DYNC2I1: variants seen among roughly 807,000 people sequenced by gnomAD.
DYNC2I1 encodes the protein dynein 2 intermediate chain 1.
In DYNC2I1, 89 loss-of-function variants were observed where a neutral mutation model predicts 133.4. That is an observed-to-expected ratio of 0.67 (90% CI 0.56 to 0.80). DYNC2I1 has a LOEUF of 0.80. Ranked by LOEUF, DYNC2I1 falls within the 30% of genes least tolerant of loss-of-function variation. The pLI, the probability that DYNC2I1 is intolerant of heterozygous loss-of-function variation, is 0.00. For missense variants in DYNC2I1, 1,291 were observed against 1,314.5 expected, an observed-to-expected ratio of 0.98 and a Z score of 0.28; for synonymous variants, 504 against 484.3, an observed-to-expected ratio of 1.04 and a Z score of -0.54.
intron 1 of DYNC2I1, among the ~76,000 whole-genome samples, chr7:158,866,706 G>A (rs1386026076): frequency 2.6e-5 from 4 of 151,600 alleles, no homozygotes; most frequent in African/African-American, 9.7e-5. Context: ...CCAACATGGG[G>A]TAACCCCATC....
intron 15 of DYNC2I1, among the ~76,000 whole-genome samples, chr7:158,921,805 C>T (rs1258691977): frequency 6.6e-6 from 1 of 152,228 alleles, no homozygotes; most frequent in Non-Finnish European, 1.5e-5. Context: ...CAGTCATGGA[C>T]TTCCTATCCT....
chr7:158,939,344 G>T (rs1172350302), intron 23 of DYNC2I1, among the ~76,000 whole-genome samples: 2 of 152,176 alleles, frequency 1.3e-5, no homozygotes, highest in Non-Finnish European at 2.9e-5. Context: ...TACTTGGGAG[G>T]CTGATGAGGG....
intron 5 of DYNC2I1, among the ~76,000 whole-genome samples, chr7:158,883,950 CA>C (rs1844334460): frequency 6.6e-6 from 1 of 151,852 alleles, no homozygotes; most frequent in Non-Finnish European, 1.5e-5. Context: ...AAGCGTGAGC[CA>C]CCGCGCCCGG....
chr7:158,884,977 A>G (rs1844451052), intron 6 of DYNC2I1, among the ~76,000 whole-genome samples: 1 of 152,186 alleles, frequency 6.6e-6, no homozygotes, highest in South Asian at 2.1e-4. Context: ...TGGGGAGAAT[A>G]ATTCACTTGG....
At position 158,923,692 on chromosome 7, in the gene DYNC2I1, G is replaced by A. The variant is rs374399311; in HGVS notation, c.2216G>A (p.Ser739Asn). 5.4e-5 allele frequency: 87 copies of A among 1,613,854 alleles called. No homozygotes were observed. Among genetic ancestry groups the A allele is most frequent in the Non-Finnish European group, 7.0e-5 (83 of 1,179,876 alleles). The stretch of plus-strand genomic sequence containing the variant: ...AGGCTGCATTACTCTGTGACGCTGA[G>A]CGATGGCTTCTGGACGTTCCGGACC... ...DSRLHYSVTL[S>N]DGFWTFRTAT... Residue 739 changes from serine to asparagine, a missense_variant, in exon 17 of 25, where the codon AGC becomes AAC. Coordinates refer to ENST00000407559, the MANE Select transcript of DYNC2I1 (RefSeq NM_018051.5).
rs532198508 is a variant in DYNC2I1 at position 158,868,397 on chromosome 7, C to T, written c.16-1458C>T. ...GAGGACTAAGATAGGCCTTCCTTTC[C>T]GGAAGGTGAGGGCTTAGCTGGAGAG... On this transcript the variant is annotated intron_variant, in intron 1 of 24. Coordinates refer to ENST00000407559, the MANE Select transcript of DYNC2I1 (RefSeq NM_018051.5). 9.2e-5 allele frequency among the ~76,000 whole-genome samples: 14 copies of T among 152,276 alleles called. No individual in the cohort carries two copies. In the South Asian group the frequency reaches 1.0e-3, roughly 11 times the overall value.
downstream of DYNC2I1, among the ~76,000 whole-genome samples, chr7:158,950,421 A>G (rs547682364): frequency 1.7e-4 from 25 of 151,330 alleles, no homozygotes; most frequent in African/African-American, 5.8e-4. Context: ...GGTGTTCTAT[A>G]TGATTCCAGG....
intron 17 of DYNC2I1, among the ~76,000 whole-genome samples, chr7:158,924,520 A>G (rs1445455584): frequency 3.9e-5 from 6 of 152,186 alleles, no homozygotes; most frequent in Non-Finnish European, 8.8e-5. Flanking sequence ...TAAATTCCCC[A>G]ACCATGAATT....
the DYNC2I1 span, among the ~76,000 whole-genome samples, chr7:158,839,363 C>T: frequency 1.4e-5 from 2 of 145,044 alleles, no homozygotes; most frequent in Non-Finnish European, 3.0e-5. Flanking sequence ...GCTAATATGA[C>T]TCCGTAACAC....
chr7:158,854,300 C>T (rs1841117657), upstream of DYNC2I1, among the ~76,000 whole-genome samples: 1 of 152,114 alleles, frequency 6.6e-6, no homozygotes, highest in South Asian at 2.1e-4. Context: ...GACTCCTAAA[C>T]CATAATTTCT....
At chr7:158,906,187 T>C in intron 11 of DYNC2I1, 96 bp downstream of exon 11, 1 of 1,075,980 alleles carries the variant, frequency 9.3e-7, no homozygotes, top group Non-Finnish European at 1.4e-6. Flanking sequence ...AATGCATTTT[T>C]ACTACTGTTT....
At chr7:158,901,872 C>A (rs879337148) in intron 9 of DYNC2I1, 56 bp downstream of exon 9, 3 of 1,282,538 alleles carry the variant, frequency 2.3e-6, no homozygotes, top group South Asian at 1.4e-5. Context: ...TCTTAAAAAT[C>A]AGCTTATATA....
At chr7:158,883,608 G>GTA (rs1358212114) in intron 5 of DYNC2I1, among the ~76,000 whole-genome samples, 4 of 145,636 alleles carry the variant, frequency 2.7e-5, no homozygotes, top group African/African-American at 1.0e-4. Context: ...TAGAGTATGA[G>GTA]TAAGTACAAT....
intron 11 of DYNC2I1, among the ~76,000 whole-genome samples, chr7:158,910,674 C>G (rs1452721829): frequency 6.8e-6 from 1 of 146,072 alleles, no homozygotes; most frequent in East Asian, 2.1e-4. Flanking sequence ...TTGGCTGTGT[C>G]AGGCTCGTGG....
chr7:158,862,328 T>C (rs1342253130), intron 1 of DYNC2I1, among the ~76,000 whole-genome samples: 1 of 152,050 alleles, frequency 6.6e-6, no homozygotes, highest in African/African-American at 2.4e-5. Context: ...AAATACTTTG[T>C]CAAGTACTGG....
rs142012004 is a variant in DYNC2I1, at chr7:158,877,786, C to G, written c.573+1095C>G. Among the ~76,000 whole-genome samples the G allele has an allele frequency of 1.3e-3, 201 of 152,256 alleles. 1 individual carries two copies. The highest frequency in any genetic ancestry group is 4.2e-3 in the African/African-American group (175 of 41,546). On this transcript the variant is annotated intron_variant, in intron 4 of 24. Coordinates refer to ENST00000407559, the MANE Select transcript of DYNC2I1 (RefSeq NM_018051.5). ...TCACAGAGATGGTTAAACTCTGGTC[C>G]CATTTTCAAGACTCTCCATCTGCGT...
chr7:158,857,772 G>A, intron 1 of DYNC2I1, among the ~76,000 whole-genome samples: 1 of 135,254 alleles, frequency 7.4e-6, no homozygotes, highest in East Asian at 2.0e-4. Flanking sequence ...TCCTGACTTC[G>A]TGAGCCACTG....
At chr7:158,860,301 C>G (rs945851577) in intron 1 of DYNC2I1, among the ~76,000 whole-genome samples, 18 of 152,166 alleles carry the variant, frequency 1.2e-4, no homozygotes, top group African/African-American at 3.1e-4. Context: ...TCAGGTGATT[C>G]ACCAGCCTCA....
chr7:158,914,339 A>T lies in DYNC2I1; in HGVS notation c.1791+18A>T, dbSNP rs777524846. The T allele has an allele frequency of 1.9e-6, 3 of 1,597,530 alleles. No individual in the cohort carries two copies. The South Asian group carries it at 3.4e-5, about 18-fold the overall frequency. On this transcript the variant is annotated intron_variant, in intron 14 of 24. Transcript: ENST00000407559. ...CTTGTCAGGTATACTCAACCTATAT[A>T]TGTTGTGTTCTCTGTGTAAGTGCTT...
Sources: allele counts gnomAD v4.1 joint callset (sites outside exome capture counted in the v4.1 genomes callset), GRCh38; gene constraint gnomAD v4.1.1; transcripts MANE v1.5; gene names NCBI Gene and HGNC (gene_info 2026-07-23, HGNC 2026-07-21).